The following LIFR variants were observed in gnomAD, a reference collection of about 807,000 sequenced individuals.
LIFR encodes the protein LIF receptor subunit alpha, also known as leukemia inhibitory factor receptor.
In LIFR, 84 loss-of-function variants were observed where a neutral mutation model predicts 122.2. That is an observed-to-expected ratio of 0.69 (90% CI 0.58 to 0.82). LIFR has a LOEUF of 0.82. Among genes scored for constraint, LIFR ranks in the 40% least tolerant of loss-of-function variants. The pLI is 0.00. For missense variants in LIFR, 1,294 were observed against 1,311.6 expected (o/e 0.99, Z 0.21); for synonymous variants, 422 against 434.7 (o/e 0.97, Z 0.36).
chr5:38,483,499 G>A (rs1744110669), intron 18 of LIFR, among the ~76,000 whole-genome samples: 1 of 151,826 alleles, frequency 6.6e-6, no homozygotes, highest in Non-Finnish European at 1.5e-5. Flanking sequence ...TTGACTCACT[G>A]CAACCTCCAA....
chr5:38,505,137 A>C (rs1164961022), intron 9 of LIFR, among the ~76,000 whole-genome samples: 1 of 149,460 alleles, frequency 6.7e-6, no homozygotes, highest in East Asian at 2.0e-4. Context: ...TAATACATAC[A>C]ACAACATGGA....
intron 1 of LIFR, among the ~76,000 whole-genome samples, 166 bp downstream of exon 1, chr5:38,556,168 C>G (rs572755924): frequency 1.3e-5 from 2 of 152,174 alleles, no homozygotes; most frequent in East Asian, 2.0e-4. Context: ...CAAGGGCGCG[C>G]GGAGAGCGGC....
At chr5:38,487,013 C>CA (rs1744321612) in intron 16 of LIFR, among the ~76,000 whole-genome samples, 1 of 152,116 alleles carries the variant, frequency 6.6e-6, no homozygotes, top group African/African-American at 2.4e-5. Context: ...TAATTCTTCC[C>CA]ATATCCTCCA....
At chr5:38,565,064 A>T (rs58723055) in intron 1 of LIFR, among the ~76,000 whole-genome samples, 2 of 152,106 alleles carry the variant, frequency 1.3e-5, no homozygotes, top group African/African-American at 4.8e-5. Context: ...GTGAGCTTTC[A>T]TCTTTATTTT....
At chr5:38,575,287 A>C (rs1580215859) in intron 1 of LIFR, among the ~76,000 whole-genome samples, 3 of 152,314 alleles carry the variant, frequency 2.0e-5, no homozygotes, top group African/African-American at 7.2e-5. Flanking sequence ...AGTGATTGGA[A>C]GGGGATGGTG....
At chr5:38,541,360 A>G (rs1747582547) in intron 1 of LIFR, among the ~76,000 whole-genome samples, 1 of 152,242 alleles carries the variant, frequency 6.6e-6, no homozygotes, top group Admixed American at 6.5e-5. Context: ...AAGGAATCCT[A>G]GAAAACCTCA....
chr5:38,478,999 G>T lies in LIFR; in HGVS notation c.*2596C>A. 4.3e-6 allele frequency: 1 copy of T among 231,344 alleles called. No homozygotes were observed. Among genetic ancestry groups the T allele is most frequent in the Non-Finnish European group, 8.6e-6 (1 of 116,784 alleles). 14.3% of individuals were successfully genotyped at this position (231,344 alleles called of 1,614,324 possible). A position where few individuals can be genotyped will look rare whatever the true frequency, so the allele number is the denominator to read the frequency against. On this transcript the variant is annotated 3_prime_UTR_variant, in exon 20 of 20. Coordinates refer to ENST00000453190, the MANE Select transcript of LIFR (RefSeq NM_001127671.2). Reference sequence around the variant, plus strand: ...ATCAGTATGAGACCACCTTGTAAATGCAGGCATGCAACCTTCATTGACAAA... The same window carrying T: ...ATCAGTATGAGACCACCTTGTAAATTCAGGCATGCAACCTTCATTGACAAA...
In LIFR at chr5:38,489,182, C is replaced by A. The variant is rs562964838; in HGVS notation, c.2231G>T (p.Trp744Leu). 1.2e-6 allele frequency: 2 copies of A among 1,612,836 alleles called. No homozygotes were observed. Among genetic ancestry groups the A allele is most frequent in the African/African-American group, 1.3e-5 (1 of 74,994 alleles). Reference sequence around the variant, plus strand: ...AAGTTCTTCCACAGGAATGTCTTCCCATTTTACTAATATCGAATCTGCAGA... The same window carrying A: ...AAGTTCTTCCACAGGAATGTCTTCCAATTTTACTAATATCGAATCTGCAGA... ...DTSADSILVK[W>L]EDIPVEELRG... Residue 744 changes from tryptophan (W) to leucine (L), a missense_variant, in exon 16 of 20, where the codon TGG becomes TTG. By Grantham distance (61) the Trp-to-Leu change is moderately conservative (BLOSUM62 -2). Transcript: ENST00000453190.
chr5:38,539,685 T>G (rs1225789239), intron 1 of LIFR, among the ~76,000 whole-genome samples: 1 of 151,198 alleles, frequency 6.6e-6, no homozygotes, highest in African/African-American at 2.4e-5. Context: ...TTGGGGGGGG[T>G]AATACATAGA....
rs1395046392 is a variant in LIFR at position 38,484,836 on chromosome 5, C to G, written c.2530G>C (p.Val844Leu). The stretch of plus-strand genomic sequence containing the variant: ...ACTCCAACAATGACAGCCACTGCCA[C>G]TGGGATGAGAATGGCAATAATTAAT... ...VGLIIAILIP[V>L]AVAVIVGVVT... is the part of the protein sequence containing the mutation. The change falls in exon 18 of 20, where the codon GTG (valine) becomes CTG (leucine). Residue 844 changes from valine (V) to leucine (L), a missense_variant. By Grantham distance (32) the Val-to-Leu change is conservative (BLOSUM62 1). Coordinates refer to ENST00000453190, the MANE Select transcript of LIFR (RefSeq NM_001127671.2). The G allele has an allele frequency of 6.2e-7, 1 of 1,613,646 alleles. No homozygotes were observed. The highest frequency in any genetic ancestry group is 2.2e-5 in the East Asian group (1 of 44,842).
chr5:38,548,868 G>A (rs1007053484), intron 1 of LIFR, among the ~76,000 whole-genome samples: 7 of 152,156 alleles, frequency 4.6e-5, no homozygotes, highest in Non-Finnish European at 8.8e-5. Context: ...GTAACAGTTT[G>A]ATAAAACTTA....
chr5:38,502,162 TTCAAAACTA>T (rs1745216971), intron 11 of LIFR, among the ~76,000 whole-genome samples: 1 of 152,164 alleles, frequency 6.6e-6, no homozygotes, highest in South Asian at 2.1e-4. Context: ...ATGACAAAAC[TTCAAAACTA>T]TCATTTAAAA....
At chr5:38,552,117 G>C (rs181341593) in intron 1 of LIFR, among the ~76,000 whole-genome samples, 8 of 152,198 alleles carry the variant, frequency 5.3e-5, no homozygotes, top group Admixed American at 5.2e-4. Flanking sequence ...AATTTGCACA[G>C]AACTTAAGAG....
At chr5:38,543,196 T>A (rs1747687691) in intron 1 of LIFR, among the ~76,000 whole-genome samples, 1 of 151,816 alleles carries the variant, frequency 6.6e-6, no homozygotes. Context: ...GATACTACCC[T>A]GGACAATGTG....
At position 38,489,060 on chromosome 5, in the gene LIFR, T is replaced by C. The variant is rs1348415015; in HGVS notation, c.2335+18A>G. 1.7e-5 allele frequency: 27 copies of C among 1,604,634 alleles called. No individual in the cohort carries two copies. Among genetic ancestry groups the C allele is most frequent in the Non-Finnish European group, 2.2e-5 (26 of 1,171,960 alleles). ...AAACTTCTAAGAAACACTTTCCTTGTGCTATCAATTTACTCACCTGATTCT... is the reference window on the plus strand; with the variant it reads ...AAACTTCTAAGAAACACTTTCCTTGCGCTATCAATTTACTCACCTGATTCT... On this transcript the variant is annotated intron_variant, in intron 16 of 19. Transcript: ENST00000453190.
At chr5:38,592,100 T>G (rs1041831412) in intron 1 of LIFR, among the ~76,000 whole-genome samples, 1 of 152,186 alleles carries the variant, frequency 6.6e-6, no homozygotes, top group African/African-American at 2.4e-5. Flanking sequence ...GTGTTATTAT[T>G]TCTTCCCTTC....
intron 5 of LIFR, among the ~76,000 whole-genome samples, chr5:38,517,654 G>A (rs982704684): frequency 6.6e-5 from 10 of 151,632 alleles, no homozygotes; most frequent in Admixed American, 5.9e-4. Context: ...TCAAGAGATC[G>A]AGACCATCCT....
rs571743818 is a variant in LIFR, at chr5:38,527,235, C to G, written c.317G>C (p.Gly106Ala). Reference protein sequence around the residue: ...TSIKIPALSHGDYEITINSLH... With the variant: ...TSIKIPALSHADYEITINSLH... ...AGAATTTATTGTTATTTCATAATCA[C>G]CATGTGAAAGAGCTGGAATTTTAAT... Residue 106 changes from glycine (G) to alanine (A), a missense_variant, in exon 4 of 20, where the codon GGT (glycine) becomes GCT (alanine). Transcript: ENST00000453190. The G allele has an allele frequency of 6.3e-7, 1 of 1,595,628 alleles. No individual in the cohort carries two copies.
At position 38,527,215 on chromosome 5, in the gene LIFR, T is replaced by C. The variant is rs1255373485; in HGVS notation, c.337A>G (p.Asn113Asp). The change falls in exon 4 of 20, where the codon AAT becomes GAT. Residue 113 changes from asparagine to aspartate, a missense_variant. Physicochemically the swap from Asn to Asp is conservative, Grantham distance 23. Transcript: ENST00000453190. The part of the protein sequence containing the change: ...LSHGDYEITI[N>D]SLHDFGSSTS... The stretch of plus-strand genomic sequence containing the variant: ...GAACTTCCAAAATCATGTAGAGAAT[T>C]TATTGTTATTTCATAATCACCATGT... 1 of 1,589,436 alleles carries C rather than the reference T, an allele frequency of 6.3e-7. No homozygotes were observed.
Sources: allele counts gnomAD v4.1 joint callset (sites outside exome capture counted in the v4.1 genomes callset), GRCh38; gene constraint gnomAD v4.1.1; transcripts MANE v1.5; gene names NCBI Gene and HGNC (gene_info 2026-07-23, HGNC 2026-07-21).